EDIL3: variants seen among roughly 807,000 people sequenced by gnomAD.
EDIL3 encodes EGF-like repeat and discoidin I-like domain-containing protein 3.
In EDIL3, 37 loss-of-function variants were observed where a neutral mutation model predicts 67.4. The ratio of observed to expected loss-of-function variants is 0.55; its 90% CI spans 0.42 to 0.72. The LOEUF is 0.72. EDIL3 is among the 30% of genes least tolerant of loss of function. The probability of loss-of-function intolerance (pLI) is 0.00; values close to 1 mark genes in which losing one functional copy is unlikely to be tolerated. For missense variants in EDIL3, 527 were observed against 586.3 expected (o/e 0.90, Z 1.04); for synonymous variants, 195 against 196.3 (o/e 0.99, Z 0.05).
In EDIL3 at chr5:84,262,659, G is replaced by GTTTTTTTTTTTTTTTTTTTTTTTTTTT. The variant is rs773035274; in HGVS notation, c.68-8474_68-8448dup. 1.9e-3 allele frequency among the ~76,000 whole-genome samples: 88 copies of GTTTTTTTTTTTTTTTTTTTTTTTTTTT among 46,318 alleles called. 27 individuals carry two copies. The highest frequency in any genetic ancestry group is 6.9e-3 in the East Asian group (8 of 1,152). The allele number at this position is 46,318 out of a possible 152,430, so 30.4% of individuals were successfully genotyped here. A position where few individuals can be genotyped will look rare whatever the true frequency, so the allele number is the denominator to read the frequency against. ...AAACTACAATTCCCAAGGTTGGTTGGTTTTTTTTTTTTTTTTTTTTTTTTT... is the reference window on the plus strand; with the variant it reads ...AAACTACAATTCCCAAGGTTGGTTGGTTTTTTTTTTTTTTTTTTTTTTTTTTTTTTTTTTTTTTTTTTTTTTTTTTTT... On this transcript the variant is annotated intron_variant, in intron 1 of 10. Coordinates refer to ENST00000296591, the MANE Select transcript of EDIL3 (RefSeq NM_005711.5).
chr5:84,141,202 G>T (rs957650591), intron 4 of EDIL3, among the ~76,000 whole-genome samples: 3 of 151,564 alleles, frequency 2.0e-5, no homozygotes, highest in African/African-American at 7.3e-5. Flanking sequence ...ATATGAAATA[G>T]AAATTTCCAT....
At chr5:84,296,578 CAGAAG>C (rs1185629888) in intron 1 of EDIL3, among the ~76,000 whole-genome samples, 1 of 152,102 alleles carries the variant, frequency 6.6e-6, no homozygotes, top group Non-Finnish European at 1.5e-5. Context: ...AAATTTAAAA[CAGAAG>C]AGAAGTTCAG....
At chr5:84,227,609 C>T (rs1212666001) in intron 3 of EDIL3, among the ~76,000 whole-genome samples, 1 of 152,046 alleles carries the variant, frequency 6.6e-6, no homozygotes, top group Non-Finnish European at 1.5e-5. Flanking sequence ...ATCATTATAC[C>T]AACAAGACAC....
intron 1 of EDIL3, among the ~76,000 whole-genome samples, chr5:84,289,899 C>A (rs1329665161): frequency 6.6e-6 from 1 of 152,122 alleles, no homozygotes; most frequent in Non-Finnish European, 1.5e-5. Context: ...TAAATTAGTT[C>A]TATACTTCCA....
At chr5:84,317,514 G>T (rs913978951) in intron 1 of EDIL3, among the ~76,000 whole-genome samples, 1 of 152,062 alleles carries the variant, frequency 6.6e-6, no homozygotes, top group Non-Finnish European at 1.5e-5. Context: ...TAAATTCCTC[G>T]ACACATACAC....
chr5:84,114,313 G>A (rs149601573), intron 5 of EDIL3, among the ~76,000 whole-genome samples: 6 of 152,034 alleles, frequency 3.9e-5, no homozygotes, highest in African/African-American at 9.6e-5. Context: ...AGGGTGATTC[G>A]GGAACAGGGC....
intron 9 of EDIL3, among the ~76,000 whole-genome samples, chr5:84,046,087 A>C (rs1385595391): frequency 6.6e-6 from 1 of 152,224 alleles, no homozygotes; most frequent in Non-Finnish European, 1.5e-5. Context: ...AAAATATTAG[A>C]GTTTACATTC....
chr5:84,341,541 T>C (rs1747116178), intron 1 of EDIL3, among the ~76,000 whole-genome samples: 1 of 152,144 alleles, frequency 6.6e-6, no homozygotes, highest in Non-Finnish European at 1.5e-5. Context: ...AATATTTCTG[T>C]GTAATGTTAA....
At chr5:84,128,557 A>G (rs111963818) in intron 5 of EDIL3, among the ~76,000 whole-genome samples, 2 of 151,976 alleles carry the variant, frequency 1.3e-5, no homozygotes, top group Non-Finnish European at 2.9e-5. Flanking sequence ...TTCCTAACAG[A>G]GAGGTTTTTT....
intron 4 of EDIL3, among the ~76,000 whole-genome samples, chr5:84,171,860 C>T (rs1748817530): frequency 6.6e-6 from 1 of 152,116 alleles, no homozygotes; most frequent in African/African-American, 2.4e-5. Flanking sequence ...GGGGTGAGAG[C>T]CAGGCATTGG....
At chr5:84,098,107 A>T (rs1173608512) in intron 6 of EDIL3, among the ~76,000 whole-genome samples, 2 of 152,056 alleles carry the variant, frequency 1.3e-5, no homozygotes, top group African/African-American at 4.8e-5. Flanking sequence ...TCTGAAAAAA[A>T]AAAAAAACTT....
chr5:84,295,265 T>C (rs1746024451), intron 1 of EDIL3, among the ~76,000 whole-genome samples: 1 of 152,088 alleles, frequency 6.6e-6, no homozygotes, highest in Admixed American at 6.6e-5. Flanking sequence ...GTATGAGTGA[T>C]TAATATGTCA....
chr5:84,255,020 T>C (rs1414523322), intron 1 of EDIL3, among the ~76,000 whole-genome samples: 2 of 152,164 alleles, frequency 1.3e-5, no homozygotes, highest in African/African-American at 4.8e-5. Flanking sequence ...GATGAACTTT[T>C]CATATGAGTA....
chr5:84,323,546 A>G (rs939888773), intron 1 of EDIL3, among the ~76,000 whole-genome samples: 3 of 151,976 alleles, frequency 2.0e-5, no homozygotes, highest in African/African-American at 7.2e-5. Context: ...CAGAAAAATT[A>G]CAGAAATATA....
In EDIL3 at chr5:84,286,514, G is replaced by T. The variant is rs181559408; in HGVS notation, c.68-32302C>A. ...GGAATTCAGTAGACAGTTACACTATGAATCAAGACAATATATTTAGCATAT... is the reference window on the plus strand; with the variant it reads ...GGAATTCAGTAGACAGTTACACTATTAATCAAGACAATATATTTAGCATAT... On this transcript the variant is annotated intron_variant, in intron 1 of 10. Transcript: ENST00000296591. 5.6e-4 allele frequency among the ~76,000 whole-genome samples: 85 copies of T among 152,250 alleles called. 1 individual carries two copies. The highest frequency in any genetic ancestry group is 3.4e-3 in the Middle Eastern group (1 of 294).
At chr5:84,182,917 C>T (rs949187485) in intron 3 of EDIL3, among the ~76,000 whole-genome samples, 14 of 152,082 alleles carry the variant, frequency 9.2e-5, no homozygotes, top group South Asian at 8.3e-4. Flanking sequence ...CACCTGCCTT[C>T]GAGGTGGTAC....
At chr5:83,978,584 C>T (rs1040346502) in intron 9 of EDIL3, among the ~76,000 whole-genome samples, 2 of 151,866 alleles carry the variant, frequency 1.3e-5, no homozygotes, top group South Asian at 2.1e-4. Flanking sequence ...GTACTATTGC[C>T]GCCTAAGATT....
intron 1 of EDIL3, among the ~76,000 whole-genome samples, chr5:84,291,337 C>A (rs1745910079): frequency 6.6e-6 from 1 of 151,912 alleles, no homozygotes; most frequent in Non-Finnish European, 1.5e-5. Flanking sequence ...AACCGGTTTG[C>A]CTGAATATAA....
At chr5:84,141,946 T>TATATATAC (rs1303835679) in intron 4 of EDIL3, among the ~76,000 whole-genome samples, 42 of 132,376 alleles carry the variant, frequency 3.2e-4, no homozygotes, top group African/African-American at 1.1e-3. Flanking sequence ...TATATATATA[T>TATATATAC]ACATAGATCT....
Sources: gnomAD v4.1 joint callset for allele counts (sites outside exome capture counted in the v4.1 genomes callset) on GRCh38, gnomAD v4.1.1 for gene constraint, MANE v1.5 for transcripts, NCBI Gene and HGNC (gene_info 2026-07-23, HGNC 2026-07-21) for gene names.